VGLL4: variants seen among roughly 807,000 people sequenced by gnomAD.
VGLL4 encodes vestigial like family member 4.
VGLL4 carries 7 observed loss-of-function variants against 21.0 expected under a neutral mutation model. The ratio of observed to expected loss-of-function variants is 0.33; its 90% CI spans 0.19 to 0.63. The LOEUF is 0.63. Ranked by LOEUF, VGLL4 falls within the 20% of genes least tolerant of loss-of-function variation. VGLL4 has a pLI of 0.78. For synonymous variants in VGLL4, 222 were observed against 173.2 expected, an observed-to-expected ratio of 1.28 and a Z score of -2.21; for missense variants, 394 against 425.7, an observed-to-expected ratio of 0.93 and a Z score of 0.66.
chr3:11,676,280 G>A (rs1333358100), intron 2 of VGLL4, among the ~76,000 whole-genome samples: 7 of 151,944 alleles, frequency 4.6e-5, no homozygotes, highest in Admixed American at 1.3e-4. Context: ...CCAGCTACTC[G>A]GGAGGCTGAG....
At chr3:11,602,471 G>A (rs908518410) in intron 1 of VGLL4, among the ~76,000 whole-genome samples, 1 of 150,238 alleles carries the variant, frequency 6.7e-6, no homozygotes, top group Non-Finnish European at 1.5e-5. Context: ...ATATAGTCTT[G>A]GTATTTAATT....
At chr3:11,582,732 A>C (rs1440694182) in intron 2 of VGLL4, among the ~76,000 whole-genome samples, 1 of 152,224 alleles carries the variant, frequency 6.6e-6, no homozygotes, top group Non-Finnish European at 1.5e-5. Flanking sequence ...GACGCTCCGA[A>C]GGCACGATGC....
rs2074163227 is a variant in VGLL4 at position 11,579,524 on chromosome 3, G to A, written c.273-14505C>T. The stretch of plus-strand genomic sequence containing the variant: ...CACTCACATCTAGATGCAACCCCCT[G>A]GCTATAAAATCATATTTCACCCAGA... On this transcript the variant is annotated intron_variant, in intron 2 of 4. Transcript: ENST00000430365. Among the ~76,000 whole-genome samples, 7 of 152,112 alleles carry A rather than the reference G, an allele frequency of 4.6e-5. No homozygotes were observed. The South Asian group carries it at 1.5e-3, about 32-fold the overall frequency.
intron 2 of VGLL4, chr3:11,702,862 C>T (rs1019519827): frequency 1.3e-5 from 13 of 983,118 alleles, no homozygotes; most frequent in African/African-American, 1.7e-5. Context: ...CCAAAATTAA[C>T]AGCAAATAGC....
chr3:11,701,223 T>C (rs1423408116), intron 2 of VGLL4, among the ~76,000 whole-genome samples: 1 of 152,128 alleles, frequency 6.6e-6, no homozygotes, highest in Non-Finnish European at 1.5e-5. Context: ...ACTCTACTAG[T>C]TCACTCAAGA....
rs2125133361 is a variant in VGLL4, at chr3:11,565,254, A to C, written c.273-235T>G. ...CCAAAGTCAGCTCCATAGAAGATGGAGCCCCCGACTCAGTGGCGTCCTCTG... is the reference window on the plus strand; with the variant it reads ...CCAAAGTCAGCTCCATAGAAGATGGCGCCCCCGACTCAGTGGCGTCCTCTG... On this transcript the variant is annotated intron_variant, in intron 2 of 4. Transcript: ENST00000430365. The surrounding 1 kb of genome is among the most constrained non-coding windows in gnomAD (Gnocchi z 4.1). 6.6e-6 allele frequency among the ~76,000 whole-genome samples: 1 copy of C among 152,012 alleles called. No homozygotes were observed. The highest frequency in any genetic ancestry group is 6.5e-5 in the Admixed American group (1 of 15,294).
intron 1 of VGLL4, among the ~76,000 whole-genome samples, chr3:11,630,951 G>A (rs1470821661): frequency 1.3e-5 from 2 of 152,166 alleles, no homozygotes; most frequent in Admixed American, 6.5e-5. Context: ...ACAATTCTGA[G>A]CAAGTTCATT....
At chr3:11,564,570 G>A (rs1389397307) in intron 3 of VGLL4, among the ~76,000 whole-genome samples, 3 of 151,738 alleles carry the variant, frequency 2.0e-5, no homozygotes, top group South Asian at 2.1e-4. Flanking sequence ...AAGAGGCAAG[G>A]CCCGGGCAGG....
intron 2 of VGLL4, among the ~76,000 whole-genome samples, chr3:11,702,030 A>T: frequency 6.6e-6 from 1 of 151,946 alleles, no homozygotes; most frequent in South Asian, 2.1e-4. Context: ...ACTAATGAAC[A>T]TTTTTTTTCT....
intron 1 of VGLL4, among the ~76,000 whole-genome samples, chr3:11,705,126 G>A (rs187453652): frequency 1.1e-4 from 16 of 152,342 alleles, no homozygotes; most frequent in Admixed American, 3.3e-4. Flanking sequence ...GGCTTGACAC[G>A]CATTAAGGAG....
intron 2 of VGLL4, among the ~76,000 whole-genome samples, chr3:11,651,772 C>T (rs1172235759): frequency 1.3e-5 from 2 of 151,572 alleles, no homozygotes; most frequent in East Asian, 1.9e-4. Flanking sequence ...AAAAAATCAG[C>T]GACATAAACC....
intron 2 of VGLL4, among the ~76,000 whole-genome samples, chr3:11,691,106 G>C (rs1413478879): frequency 2.6e-5 from 4 of 151,730 alleles, no homozygotes; most frequent in African/African-American, 7.3e-5. Context: ...TTACAGAATT[G>C]CTACAGTAAT....
intron 1 of VGLL4, among the ~76,000 whole-genome samples, chr3:11,631,238 C>T (rs2075470215): frequency 6.6e-6 from 1 of 151,420 alleles, no homozygotes; most frequent in Non-Finnish European, 1.5e-5. Flanking sequence ...CTCGAGGAGG[C>T]TCAGGGGCGA....
At chr3:11,645,203 A>T (rs1442474471), upstream of VGLL4, among the ~76,000 whole-genome samples, 15 of 37,174 alleles carry the variant, frequency 4.0e-4, 1 homozygote, top group Admixed American at 3.4e-3. Context: ...AAAAAAAAAC[A>T]AAAACTAAAC....
intron 1 of VGLL4, among the ~76,000 whole-genome samples, chr3:11,641,901 A>T (rs1361145469): frequency 2.0e-5 from 3 of 152,036 alleles, no homozygotes; most frequent in Admixed American, 2.0e-4. Context: ...TAACAATCTT[A>T]TATTTCTCTC....
chr3:11,639,995 C>T (rs916747104), intron 1 of VGLL4, among the ~76,000 whole-genome samples: 4 of 152,208 alleles, frequency 2.6e-5, no homozygotes, highest in Non-Finnish European at 4.4e-5. Context: ...TAAATCAACT[C>T]TCTGAAAAAC....
chr3:11,573,557 C>G (rs893946456), intron 2 of VGLL4, among the ~76,000 whole-genome samples: 1 of 152,148 alleles, frequency 6.6e-6, no homozygotes. Context: ...GCTGTCCCTC[C>G]GACGGCCATG....
chr3:11,630,996 T>C (rs2075463785), intron 1 of VGLL4, among the ~76,000 whole-genome samples: 1 of 152,226 alleles, frequency 6.6e-6, no homozygotes, highest in African/African-American at 2.4e-5. Flanking sequence ...TAAAACATCA[T>C]CCATCAAGTT....
intron 2 of VGLL4, among the ~76,000 whole-genome samples, chr3:11,592,881 G>A (rs1222081611): frequency 2.6e-5 from 4 of 152,116 alleles, no homozygotes; most frequent in East Asian, 1.9e-4. Context: ...CAGTGCCAGC[G>A]CACAAGGGCT....
Sources: gnomAD v4.1 joint callset for allele counts (sites outside exome capture counted in the v4.1 genomes callset) on GRCh38, gnomAD v4.1.1 for gene constraint, Gnocchi (gnomAD v3.1) non-coding constraint, MANE v1.5 for transcripts, NCBI Gene and HGNC (gene_info 2026-07-23, HGNC 2026-07-21) for gene names.